The following ALLC variants were observed in gnomAD, a reference collection of about 807,000 sequenced individuals.
ALLC encodes the protein allantoicase.
ALLC carries 40 observed loss-of-function variants against 45.0 expected under a neutral mutation model. The observed-to-expected ratio is 0.89, with a 90% CI of 0.69 to 1.16. ALLC has a LOEUF of 1.16. ALLC is among the 50% of genes most tolerant of loss of function. The pLI, the probability that ALLC is intolerant of heterozygous loss-of-function variation, is 0.00. For synonymous variants in ALLC, 176 were observed against 178.1 expected (o/e 0.99, Z 0.09); for missense variants, 488 against 493.1 (o/e 0.99, Z 0.10).
At chr2:3,663,162 A>G (rs1666616593) in intron 1 of ALLC, among the ~76,000 whole-genome samples, 1 of 152,226 alleles carries the variant, frequency 6.6e-6, no homozygotes, top group Non-Finnish European at 1.5e-5. Context: ...TAGCAAAGAC[A>G]TAGAACCAAC....
chr2:3,686,431 G>A (rs910961148), intron 7 of ALLC, among the ~76,000 whole-genome samples: 36 of 150,564 alleles, frequency 2.4e-4, no homozygotes, highest in African/African-American at 8.7e-4. Context: ...TGGTTATTCA[G>A]GGTCTTTCAT....
intron 1 of ALLC, among the ~76,000 whole-genome samples, chr2:3,662,769 T>C (rs1319150660): frequency 4.6e-5 from 7 of 152,210 alleles, no homozygotes; most frequent in African/African-American, 1.4e-4. Context: ...CACATAAAAC[T>C]GGTATGAAAT....
chr2:3,652,254 T>A, the ALLC span, among the ~76,000 whole-genome samples: 1 of 152,248 alleles, frequency 6.6e-6, no homozygotes, highest in Non-Finnish European at 1.5e-5. Flanking sequence ...TGGAAGCGGC[T>A]GTGCTGCTGT....
intron 7 of ALLC, among the ~76,000 whole-genome samples, chr2:3,684,949 A>G (rs1332625470): frequency 1.3e-5 from 2 of 152,152 alleles, no homozygotes; most frequent in Non-Finnish European, 2.9e-5. Flanking sequence ...TTTAAAATCT[A>G]TTCCTCTGTT....
rs539519397 is a variant in ALLC at position 3,697,641 on chromosome 2, A to G, written c.850+185A>G. On this transcript the variant is annotated intron_variant, in intron 10 of 11. Transcript: ENST00000252505. ...TGTCTGTCTATCTATCTATCTATCTATCTATCTATCTATCTATCTATCTAT... is the reference window on the plus strand; with the variant it reads ...TGTCTGTCTATCTATCTATCTATCTGTCTATCTATCTATCTATCTATCTAT... 1.0e-3 allele frequency among the ~76,000 whole-genome samples: 159 copies of G among 151,660 alleles called. 3 individuals carry two copies. The highest frequency in any genetic ancestry group is 3.4e-3 in the African/African-American group (140 of 41,310).
At chr2:3,652,818 G>C in the ALLC span, among the ~76,000 whole-genome samples, 1 of 152,138 alleles carries the variant, frequency 6.6e-6, no homozygotes, top group Non-Finnish European at 1.5e-5. Flanking sequence ...CTGAGTTCAG[G>C]CAATCAGCCT....
At chr2:3,646,812 C>G in the ALLC span, among the ~76,000 whole-genome samples, 10 of 152,302 alleles carry the variant, frequency 6.6e-5, no homozygotes, top group African/African-American at 2.4e-4. Flanking sequence ...AATATTTCTC[C>G]GTTTCTGACT....
chr2:3,663,408 C>G (rs1457404749), intron 1 of ALLC, among the ~76,000 whole-genome samples: 2 of 152,144 alleles, frequency 1.3e-5, no homozygotes, highest in Admixed American at 1.3e-4. Flanking sequence ...ACATCACACA[C>G]TGGGGCCTGT....
chr2:3,700,037 A>G (rs984023451), intron 10 of ALLC, among the ~76,000 whole-genome samples: 7 of 151,974 alleles, frequency 4.6e-5, no homozygotes, highest in Non-Finnish European at 8.8e-5. Flanking sequence ...CTTTTGTTGC[A>G]ATTGTTTTTG....
chr2:3,675,817 G>A (rs185512660), intron 3 of ALLC, among the ~76,000 whole-genome samples: 25 of 152,342 alleles, frequency 1.6e-4, no homozygotes, highest in African/African-American at 5.8e-4. Flanking sequence ...GGCTGTTGGG[G>A]CTGCTGAAGC....
intron 1 of ALLC, among the ~76,000 whole-genome samples, chr2:3,663,584 GA>G (rs373258016): frequency 0.046 from 6,664 of 144,774 alleles, 411 homozygotes; most frequent in African/African-American, 0.15. Flanking sequence ...TTAAAAGTTG[GA>G]AAAAAAAAAA....
At chr2:3,683,786 T>C (rs1281626167) in intron 7 of ALLC, among the ~76,000 whole-genome samples, 4 of 152,216 alleles carry the variant, frequency 2.6e-5, no homozygotes, top group Admixed American at 6.5e-5. Flanking sequence ...AGCCCCAAAA[T>C]TTGAAATGTT....
chr2:3,664,072 C>T (rs986912721), intron 1 of ALLC, among the ~76,000 whole-genome samples: 2 of 152,344 alleles, frequency 1.3e-5, no homozygotes, highest in East Asian at 3.9e-4. Context: ...ATGTGAGCCT[C>T]GTACCCAGCA....
At chr2:3,652,622 G>T in the ALLC span, among the ~76,000 whole-genome samples, 1 of 124,690 alleles carries the variant, frequency 8.0e-6, no homozygotes, top group African/African-American at 3.0e-5. Flanking sequence ...ATGGAGTCTC[G>T]CTCGTTTAGC....
chr2:3,647,565 A>G, the ALLC span, among the ~76,000 whole-genome samples: 476 of 23,628 alleles, frequency 0.02, 12 homozygotes, highest in African/African-American at 0.062. Flanking sequence ...TCGCTCACCC[A>G]TCTTCTCCTG....
chr2:3,696,504 T>C (rs914158390), intron 9 of ALLC, among the ~76,000 whole-genome samples, 156 bp downstream of exon 9: 3 of 152,248 alleles, frequency 2.0e-5, no homozygotes, highest in African/African-American at 7.2e-5. Context: ...TTCCCACTGT[T>C]TTCATAATAT....
At chr2:3,677,199 G>C (rs1399666941) in intron 3 of ALLC, among the ~76,000 whole-genome samples, 2 of 152,166 alleles carry the variant, frequency 1.3e-5, no homozygotes, top group African/African-American at 4.8e-5. Flanking sequence ...TGTGTCCCCA[G>C]CTTCCCTCAC....
intron 4 of ALLC, 133 bp from the exon 5 acceptor site, chr2:3,679,736 C>A (rs1395892656): frequency 1.6e-6 from 2 of 1,245,176 alleles, no homozygotes; most frequent in East Asian, 4.7e-5. Flanking sequence ...TAAGAACCGC[C>A]CTGAACAGTT....
chr2:3,662,854 T>C (rs1666607295), intron 1 of ALLC, among the ~76,000 whole-genome samples: 1 of 152,230 alleles, frequency 6.6e-6, no homozygotes, highest in Non-Finnish European at 1.5e-5. Flanking sequence ...CGTCTGAAGC[T>C]GCTTTGTGTT....
Sources: allele counts gnomAD v4.1 joint callset (sites outside exome capture counted in the v4.1 genomes callset), GRCh38; gene constraint gnomAD v4.1.1; transcripts MANE v1.5; gene names NCBI Gene and HGNC (gene_info 2026-07-23, HGNC 2026-07-21).